The following MARF1 variants were observed in gnomAD, a reference collection of about 807,000 sequenced individuals.
The protein encoded by MARF1 is meiosis regulator and mRNA stability factor 1, also known as limkain-b1.
Under a neutral mutation model 168.2 loss-of-function variants are expected in MARF1, and 24 were observed. That is an observed-to-expected ratio of 0.14 (90% CI 0.10 to 0.20). The LOEUF (loss-of-function observed/expected upper bound fraction) is 0.20, where lower values mean the gene tolerates loss of function less well. Among genes scored for constraint, MARF1 ranks in the 10% least tolerant of loss-of-function variants. The pLI is 1.00. For missense variants in MARF1, 1,744 were observed against 2,143.6 expected, an observed-to-expected ratio of 0.81 and a Z score of 3.68; for synonymous variants, 868 against 822.4, an observed-to-expected ratio of 1.06 and a Z score of -0.95.
rs1381672506 is a variant in MARF1 at position 15,603,303 on chromosome 16, T to C, written c.4413+865A>G. Among the ~76,000 whole-genome samples, 4 of 152,346 alleles carry C rather than the reference T, an allele frequency of 2.6e-5. No homozygotes were observed. The East Asian group carries it at 7.7e-4, about 29-fold the overall frequency. On this transcript the variant is annotated intron_variant, in intron 22 of 26. Coordinates refer to ENST00000396368, the MANE Select transcript of MARF1 (RefSeq NM_014647.4). ...TTTATTTTGGCTTCGTAAAAATAAA[T>C]GGTAAGCTTTCCTTTTTTCTTTTTC...
Position 15,621,867 on chromosome 16 carries a change from C to T in MARF1, c.2505G>A (p.Lys835=). Residue 835 remains lysine (K), a synonymous_variant, in exon 12 of 27, where the codon AAG becomes AAA. Coordinates refer to ENST00000396368, the MANE Select transcript of MARF1 (RefSeq NM_014647.4). ...ELSPHTDYQL[K]AVVQMENLQD... is the part of the protein sequence containing the mutation. ...GTAAGTTTTCCATTTGCACAACAGC[C>T]TTGAGTTGATAATCTGTATGGGGGC... 2 of 1,614,116 alleles carry T rather than the reference C, an allele frequency of 1.2e-6. No homozygotes were observed. Among genetic ancestry groups the T allele is most frequent in the South Asian group, 2.2e-5 (2 of 91,088 alleles).
intron 11 of MARF1, among the ~76,000 whole-genome samples, chr16:15,622,221 A>G (rs1295383652): frequency 5.9e-5 from 9 of 152,114 alleles, no homozygotes; most frequent in Non-Finnish European, 1.2e-4. Context: ...GGACATGGCC[A>G]TTTTTAAGAA....
chr16:15,626,171 A>G (rs1350832308), intron 7 of MARF1, among the ~76,000 whole-genome samples: 1 of 152,192 alleles, frequency 6.6e-6, no homozygotes, highest in Non-Finnish European at 1.5e-5. Flanking sequence ...AGGTCTGTAT[A>G]CTATATGATT....
intron 26 of MARF1, among the ~76,000 whole-genome samples, chr16:15,597,555 G>A (rs555224109): frequency 9.8e-5 from 15 of 152,310 alleles, no homozygotes; most frequent in East Asian, 3.9e-4. Context: ...ACAGGGCCAC[G>A]CTGCTTGAAA....
At chr16:15,624,623 C>G (rs918326898) in intron 10 of MARF1, 146 bp downstream of exon 10, 5 of 732,246 alleles carry the variant, frequency 6.8e-6, no homozygotes, top group Non-Finnish European at 1.1e-5. Context: ...CGATGATTAC[C>G]TGAGGAGAGG....
At chr16:15,640,362 C>T (rs938535375) in intron 1 of MARF1, among the ~76,000 whole-genome samples, 4 of 152,184 alleles carry the variant, frequency 2.6e-5, no homozygotes, top group African/African-American at 9.7e-5. Flanking sequence ...TCTCAAGTCG[C>T]AGATGTGTTA....
intron 1 of MARF1, among the ~76,000 whole-genome samples, chr16:15,641,783 C>G (rs2035985711): frequency 6.6e-6 from 1 of 152,192 alleles, no homozygotes; most frequent in African/African-American, 2.4e-5. Flanking sequence ...TCCACTACAT[C>G]AAGGTGCCTT....
intron 21 of MARF1, 65 bp from the exon 22 acceptor site, chr16:15,604,463 C>A: frequency 9.0e-7 from 1 of 1,106,716 alleles, no homozygotes; most frequent in Non-Finnish European, 1.4e-6. Flanking sequence ...ATACCCAACT[C>A]AGCTCACTTC....
Position 15,600,557 on chromosome 16 carries a change from CA to C in MARF1, c.4688-5del. The C allele has an allele frequency of 6.2e-7, 1 of 1,614,204 alleles. No homozygotes were observed. Among genetic ancestry groups the C allele is most frequent in the Non-Finnish European group, 8.5e-7 (1 of 1,180,050 alleles). ...AGACTGAGTGAACTCAAACGACCTACAGGACAAAGAGCACCCGTCAGAGAGA... is the reference window on the plus strand; with the variant it reads ...AGACTGAGTGAACTCAAACGACCTACGGACAAAGAGCACCCGTCAGAGAGA... On this transcript the variant is annotated splice_region_variant and splice_polypyrimidine_tract_variant and intron_variant, in intron 24 of 26. Transcript: ENST00000396368.
chr16:15,611,257 G>A (rs1350585084), intron 18 of MARF1, 149 bp from the exon 19 acceptor site: 4 of 723,786 alleles, frequency 5.5e-6, no homozygotes, highest in South Asian at 1.8e-5. Context: ...AAGAGATCGC[G>A]ACCATCCTGG....
chr16:15,611,113 G>A lies in MARF1; in HGVS notation c.3618-5C>T. The A allele has an allele frequency of 6.2e-7, 1 of 1,613,240 alleles. No homozygotes were observed. The highest frequency in any genetic ancestry group is 8.5e-7 in the Non-Finnish European group (1 of 1,179,416). On this transcript the variant is annotated splice_polypyrimidine_tract_variant and splice_region_variant and intron_variant, in intron 18 of 26. Coordinates refer to ENST00000396368, the MANE Select transcript of MARF1 (RefSeq NM_014647.4). ...TCCCAGTCCTTTGAGAAACACCTAG[G>A]TTTTAACAACGGAAGTGGATACGGA...
Position 15,635,674 on chromosome 16 carries a change from G to A in MARF1, c.813C>T (p.Cys271=), listed in dbSNP as rs930444497. ...PPVCLKGSLY[C]EDCLNKPARN... is the part of the protein sequence containing the mutation. ...TACGAACCTTGTTTAGACAGTCTTCGCAGTAAAGTGAGCCCTTTAAACAAA... is the reference window on the plus strand; with the variant it reads ...TACGAACCTTGTTTAGACAGTCTTCACAGTAAAGTGAGCCCTTTAAACAAA... The change falls in exon 3 of 27, where the codon TGC becomes TGT. Residue 271 remains cysteine, a synonymous_variant. Transcript: ENST00000396368. 3.7e-6 allele frequency: 6 copies of A among 1,613,694 alleles called. No individual in the cohort carries two copies. The highest frequency in any genetic ancestry group is 1.7e-5 in the Admixed American group (1 of 60,026).
rs963490110 is a variant in MARF1 at position 15,631,399 on chromosome 16, T to C, written c.1333A>G (p.Thr445Ala). 6.2e-7 allele frequency: 1 copy of C among 1,610,994 alleles called. No individual in the cohort carries two copies. The highest frequency in any genetic ancestry group is 8.5e-7 in the Non-Finnish European group (1 of 1,177,508). ...RFANTHTAPATVVLVSTDVNF... is the reference protein window; with the variant it reads ...RFANTHTAPAAVVLVSTDVNF... ...TACTTACTTGACACAAGAACCACTGTGGCTGGAGCAGTGTGTGTATTTGCA... is the reference window on the plus strand; with the variant it reads ...TACTTACTTGACACAAGAACCACTGCGGCTGGAGCAGTGTGTGTATTTGCA... Residue 445 changes from threonine to alanine, a missense_variant, in exon 6 of 27, where the codon ACA (threonine) becomes GCA (alanine). Thr to Ala is a moderately conservative substitution (Grantham distance 58). Transcript: ENST00000396368.
chr16:15,609,185 G>A (rs2033294406), intron 20 of MARF1, among the ~76,000 whole-genome samples: 2 of 152,180 alleles, frequency 1.3e-5, no homozygotes, highest in Admixed American at 1.3e-4. Context: ...GTTGCAGTGA[G>A]CCAAGATTGC....
At chr16:15,622,390 CTTTT>C (rs995577394) in intron 11 of MARF1, among the ~76,000 whole-genome samples, 4 of 145,072 alleles carry the variant, frequency 2.8e-5, no homozygotes, top group East Asian at 2.0e-4. Flanking sequence ...ATCAAATTGC[CTTTT>C]TTTTTTTTTC....
chr16:15,613,684 T>TAAATAAATAAATAAATAAATA (rs1555524005), intron 16 of MARF1, among the ~76,000 whole-genome samples: 6,376 of 145,706 alleles, frequency 0.044, 215 homozygotes, highest in Non-Finnish European at 0.063. Flanking sequence ...AATAAATAAA[T>TAAATAAATAAATAAATAAATA]AAATAAAATA....
chr16:15,604,045 C>T (rs2032779128), intron 22 of MARF1, 123 bp downstream of exon 22: 2 of 744,842 alleles, frequency 2.7e-6, no homozygotes, highest in Non-Finnish European at 4.4e-6. Context: ...GCGTGTTCAT[C>T]CATGAAATGG....
chr16:15,624,889 G>A lies in MARF1; in HGVS notation c.2150C>T (p.Pro717Leu), dbSNP rs779813560. The change falls in exon 10 of 27, where the codon CCT becomes CTT. Residue 717 changes from proline (P) to leucine (L), a missense_variant. Pro to Leu is a moderately conservative substitution (Grantham distance 98, BLOSUM62 -3). Around this residue, in one of 7 missense-constraint regions of MARF1, gnomAD observed 270 missense variants for 260.6 expected, o/e 1.04. Coordinates refer to ENST00000396368, the MANE Select transcript of MARF1 (RefSeq NM_014647.4). ...NLSARSVTSS[P>L]VEKKDKEETV... ...CTCCTCTTTATCTTTTTTCTCTACA[G>A]GAGAACTGGTAACACTTCGGGCACT... is the stretch of plus-strand genomic sequence containing the variant. The A allele has an allele frequency of 1.2e-6, 2 of 1,613,992 alleles. No homozygotes were observed. Among genetic ancestry groups the A allele is most frequent in the African/African-American group, 2.7e-5 (2 of 74,896 alleles).
intron 21 of MARF1, among the ~76,000 whole-genome samples, chr16:15,604,711 C>G (rs2032852442): frequency 6.6e-6 from 1 of 152,118 alleles, no homozygotes; most frequent in Non-Finnish European, 1.5e-5. Context: ...ATAAGAAGGA[C>G]ACAGACTGGC....
Sources: allele counts gnomAD v4.1 joint callset (sites outside exome capture counted in the v4.1 genomes callset), GRCh38; gene constraint gnomAD v4.1.1; regional missense constraint gnomAD v4.1.1; transcripts MANE v1.5; gene names NCBI Gene and HGNC (gene_info 2026-07-23, HGNC 2026-07-21).